QTGAL: variants seen among roughly 807,000 people sequenced by gnomAD.
QTGAL encodes the protein BGnT-like protein 1.
At chr17:83,034,181 C>T in the QTGAL span, among the ~76,000 whole-genome samples, 1 of 152,092 alleles carries the variant, frequency 6.6e-6, no homozygotes, top group Non-Finnish European at 1.5e-5. Flanking sequence ...CTCAGGTGAT[C>T]CATCTGCCTC....
chr17:83,020,114 A>G, the QTGAL span, among the ~76,000 whole-genome samples: 162 of 152,366 alleles, frequency 1.1e-3, 1 homozygote, highest in African/African-American at 3.7e-3. Flanking sequence ...CAGATTTTCT[A>G]AAGAGATAGT....
At chr17:82,963,271 G>A in the QTGAL span, among the ~76,000 whole-genome samples, 1 of 152,196 alleles carries the variant, frequency 6.6e-6, no homozygotes, top group African/African-American at 2.4e-5. Context: ...AGCCGAGTCA[G>A]GGACGCGCTT....
chr17:83,050,767 GGTAA>G, the QTGAL span, among the ~76,000 whole-genome samples: 1 of 152,108 alleles, frequency 6.6e-6, no homozygotes, highest in African/African-American at 2.4e-5. Flanking sequence ...ACGTGTTTGG[GGTAA>G]GTGTGCTGGG....
the QTGAL span, among the ~76,000 whole-genome samples, chr17:82,986,635 A>G: frequency 5.9e-5 from 9 of 152,238 alleles, no homozygotes; most frequent in Non-Finnish European, 1.2e-4. Context: ...CGGAAAGCAA[A>G]GCTCATCAAG....
At chr17:82,973,113 C>A in the QTGAL span, among the ~76,000 whole-genome samples, 1 of 152,234 alleles carries the variant, frequency 6.6e-6, no homozygotes, top group African/African-American at 2.4e-5. Context: ...CGCCCACTCA[C>A]AAGCCCAGGC....
chr17:82,988,745 G>C, the QTGAL span, among the ~76,000 whole-genome samples: 2 of 152,146 alleles, frequency 1.3e-5, no homozygotes, highest in Non-Finnish European at 2.9e-5. Context: ...ACAAACATAT[G>C]ATAAAAAGCT....
At chr17:83,024,728 G>A in the QTGAL span, among the ~76,000 whole-genome samples, 1 of 152,234 alleles carries the variant, frequency 6.6e-6, no homozygotes, top group Non-Finnish European at 1.5e-5. Flanking sequence ...AGGGGCCTGA[G>A]GGTCATGATG....
chr17:83,002,839 C>T, the QTGAL span, among the ~76,000 whole-genome samples: 7 of 95,260 alleles, frequency 7.3e-5, no homozygotes, highest in African/African-American at 2.4e-4. Flanking sequence ...TTCCTGAGCC[C>T]GCCCTCCCAC....
chr17:82,964,490 G>A, the QTGAL span, among the ~76,000 whole-genome samples: 4 of 152,048 alleles, frequency 2.6e-5, no homozygotes, highest in Non-Finnish European at 5.9e-5. Context: ...TATTTAAAAC[G>A]GACGCCTACA....
chr17:82,950,287 G>T, the QTGAL span, among the ~76,000 whole-genome samples: 1 of 152,170 alleles, frequency 6.6e-6, no homozygotes, highest in African/African-American at 2.4e-5. Flanking sequence ...GTGCCTTGGG[G>T]TTCATATGAG....
chr17:83,023,874 G>A, the QTGAL span, among the ~76,000 whole-genome samples: 2 of 152,220 alleles, frequency 1.3e-5, no homozygotes, highest in African/African-American at 4.8e-5. Context: ...GTGGGACACG[G>A]TGGGACAAAA....
chr17:82,994,448 GA>G, the QTGAL span, among the ~76,000 whole-genome samples: 1,712 of 151,470 alleles, frequency 0.011, 37 homozygotes, highest in African/African-American at 0.039. Context: ...GAAAATCTAG[GA>G]AAAAAAATCA....
the QTGAL span, among the ~76,000 whole-genome samples, chr17:82,997,508 G>A: frequency 1.3e-5 from 2 of 152,162 alleles, no homozygotes; most frequent in Non-Finnish European, 2.9e-5. Context: ...TAGAGCCACT[G>A]TATGATCCAG....
chr17:83,038,263 G>A, the QTGAL span, among the ~76,000 whole-genome samples: 6 of 152,082 alleles, frequency 3.9e-5, no homozygotes, highest in African/African-American at 1.2e-4. Flanking sequence ...GTGTAGAATA[G>A]GGTCCCCACG....
chr17:83,010,469 C>T, the QTGAL span, among the ~76,000 whole-genome samples: 1 of 152,236 alleles, frequency 6.6e-6, no homozygotes, highest in Non-Finnish European at 1.5e-5. Flanking sequence ...TTCTGCCTCT[C>T]CAAGGCCCAG....
chr17:82,942,410 G>A, the QTGAL span: 13 of 1,613,806 alleles, frequency 8.1e-6, no homozygotes, highest in Admixed American at 1.8e-4. Flanking sequence ...GGTGTGTGTT[G>A]GAGCTGACCA....
chr17:82,983,271 C>G, the QTGAL span, among the ~76,000 whole-genome samples: 2 of 152,208 alleles, frequency 1.3e-5, no homozygotes, highest in East Asian at 1.9e-4. Flanking sequence ...CAGAGCGAGA[C>G]TCCATCTCAA....
chr17:82,986,244 C>T, the QTGAL span, among the ~76,000 whole-genome samples: 28 of 152,182 alleles, frequency 1.8e-4, no homozygotes, highest in Admixed American at 9.8e-4. Context: ...AGCTGCTCTG[C>T]GGCAGCCCGA....
At chr17:82,970,929 G>A in the QTGAL span, among the ~76,000 whole-genome samples, 1 of 152,216 alleles carries the variant, frequency 6.6e-6, no homozygotes, top group Admixed American at 6.5e-5. Flanking sequence ...GAGAGCGGAA[G>A]GCAGTGGTGT....
Sources: allele counts gnomAD v4.1 joint callset (sites outside exome capture counted in the v4.1 genomes callset), GRCh38; gene constraint gnomAD v4.1.1; transcripts MANE v1.5; gene names NCBI Gene and HGNC (gene_info 2026-07-23, HGNC 2026-07-21).